The following STK39 variants were observed in gnomAD, a reference collection of about 807,000 sequenced individuals.
The protein encoded by STK39 is STE20/SPS1-related proline-alanine-rich protein kinase.
A neutral mutation model predicts 77.8 loss-of-function variants in STK39; 20 were observed. The observed-to-expected ratio is 0.26, with a 90% CI of 0.18 to 0.37. The LOEUF (loss-of-function observed/expected upper bound fraction) is 0.37. Among genes scored for constraint, STK39 ranks in the 10% least tolerant of loss-of-function variants. The probability of loss-of-function intolerance (pLI) is 1.00; values close to 1 mark genes in which losing one functional copy is unlikely to be tolerated. For missense variants in STK39, 479 were observed against 656.5 expected (o/e 0.73, Z 2.95); for synonymous variants, 246 against 234.1 (o/e 1.05, Z -0.47).
intron 14 of STK39, among the ~76,000 whole-genome samples, chr2:168,022,357 A>C (rs1684591562): frequency 6.6e-6 from 1 of 152,192 alleles, no homozygotes; most frequent in South Asian, 2.1e-4. Flanking sequence ...GCACCCATTT[A>C]TGCTCTTACC....
chr2:168,049,685 G>C (rs1685342544), intron 14 of STK39, among the ~76,000 whole-genome samples: 1 of 152,216 alleles, frequency 6.6e-6, no homozygotes, highest in South Asian at 2.1e-4. Context: ...ACACTGCCTT[G>C]CATATGAGTA....
intron 14 of STK39, among the ~76,000 whole-genome samples, chr2:168,023,082 T>C (rs1281204408): frequency 1.3e-5 from 2 of 152,120 alleles, no homozygotes; most frequent in Non-Finnish European, 2.9e-5. Flanking sequence ...ACCTGGCTAA[T>C]TTTTTAATTT....
At chr2:168,187,308 G>A (rs982914184) in intron 1 of STK39, among the ~76,000 whole-genome samples, 1 of 151,456 alleles carries the variant, frequency 6.6e-6, no homozygotes, top group South Asian at 2.1e-4. Flanking sequence ...CTGAGATCAT[G>A]CCACTGCACT....
chr2:168,152,444 C>CA (rs1688313522), intron 5 of STK39, among the ~76,000 whole-genome samples: 1 of 152,176 alleles, frequency 6.6e-6, no homozygotes, highest in Non-Finnish European at 1.5e-5. Flanking sequence ...CCTTGGAGAA[C>CA]ATCTTGTCAA....
intron 1 of STK39, among the ~76,000 whole-genome samples, chr2:168,237,239 T>C (rs2105273171): frequency 6.6e-6 from 1 of 152,340 alleles, no homozygotes. Context: ...GATTTGGCTC[T>C]CTGTTTGTCT....
intron 17 of STK39, among the ~76,000 whole-genome samples, chr2:167,957,901 T>C (rs1166697053): frequency 6.6e-6 from 1 of 152,204 alleles, no homozygotes; most frequent in Non-Finnish European, 1.5e-5. Flanking sequence ...ACAAAGTTCC[T>C]ACCCACCCTG....
intron 14 of STK39, among the ~76,000 whole-genome samples, chr2:168,043,406 C>A (rs1685158623): frequency 6.6e-6 from 1 of 152,084 alleles, no homozygotes; most frequent in African/African-American, 2.4e-5. Flanking sequence ...ACCCCAGTAA[C>A]AGAATCAATT....
At chr2:168,191,953 G>T (rs1689350947) in intron 1 of STK39, among the ~76,000 whole-genome samples, 1 of 152,028 alleles carries the variant, frequency 6.6e-6, no homozygotes, top group Admixed American at 6.6e-5. Context: ...CATTTAGGAG[G>T]AAACCTACAG....
chr2:168,217,042 C>A (rs181346191), intron 1 of STK39, among the ~76,000 whole-genome samples: 46 of 152,320 alleles, frequency 3.0e-4, no homozygotes, highest in Admixed American at 1.2e-3. Context: ...CTGCTCAGAC[C>A]TGCCAGGGTT....
chr2:168,154,803 T>C (rs1688382307), intron 5 of STK39, among the ~76,000 whole-genome samples: 1 of 152,144 alleles, frequency 6.6e-6, no homozygotes, highest in Non-Finnish European at 1.5e-5. Flanking sequence ...TAAATACCTG[T>C]CAACTAACCA....
chr2:168,196,608 A>G (rs183135820), intron 1 of STK39, among the ~76,000 whole-genome samples: 41 of 152,358 alleles, frequency 2.7e-4, no homozygotes, highest in Non-Finnish European at 7.3e-5. Flanking sequence ...GTGACCTGTG[A>G]TCATGCCACT....
At chr2:168,203,864 G>C (rs1432895834) in intron 1 of STK39, among the ~76,000 whole-genome samples, 1 of 152,238 alleles carries the variant, frequency 6.6e-6, no homozygotes, top group Non-Finnish European at 1.5e-5. Flanking sequence ...GAAGTGCTGG[G>C]ATTACAGGCG....
Position 168,161,809 on chromosome 2 carries a change from C to T in STK39, c.606G>A (p.Glu202=), listed in dbSNP as rs756410231. The stretch of plus-strand genomic sequence containing the variant: ...TACCTGCTATTTGTACTGAACCATC[C>T]TCACCCAGAAGAATATTACCAGCTT... ...DLKAGNILLG[E]DGSVQIADFG... The change falls in exon 5 of 18, where the codon GAG becomes GAA. Residue 202 remains glutamate (E), a synonymous_variant. Transcript: ENST00000355999. The T allele has an allele frequency of 1.2e-6, 2 of 1,609,750 alleles. No individual in the cohort carries two copies. The highest frequency in any genetic ancestry group is 1.1e-5 in the South Asian group (1 of 90,128).
intron 16 of STK39, among the ~76,000 whole-genome samples, chr2:167,976,503 G>A (rs996499906): frequency 6.6e-6 from 1 of 152,126 alleles, no homozygotes; most frequent in South Asian, 2.1e-4. Flanking sequence ...GGGAGAAGAG[G>A]AGCCTGAATT....
intron 4 of STK39, among the ~76,000 whole-genome samples, chr2:168,162,494 G>C (rs1276197841): frequency 6.6e-6 from 1 of 151,954 alleles, no homozygotes; most frequent in Admixed American, 6.6e-5. Context: ...ATTCTACCAA[G>C]TATTAAAGCC....
intron 17 of STK39, among the ~76,000 whole-genome samples, chr2:167,961,733 T>G (rs188193773): frequency 2.6e-5 from 4 of 152,350 alleles, no homozygotes; most frequent in African/African-American, 9.6e-5. Flanking sequence ...ATCTTCCCTG[T>G]GGAATGCTTC....
chr2:167,998,252 A>AACAAAGGTTAG, intron 16 of STK39, among the ~76,000 whole-genome samples: 1 of 152,232 alleles, frequency 6.6e-6, no homozygotes, highest in Non-Finnish European at 1.5e-5. Flanking sequence ...CTAAACAAGA[A>AACAAAGGTTAG]CTTACTTTAC....
intron 1 of STK39, among the ~76,000 whole-genome samples, chr2:168,226,668 T>C (rs1690315741): frequency 6.6e-6 from 1 of 151,968 alleles, no homozygotes; most frequent in Non-Finnish European, 1.5e-5. Context: ...CTTAGATATT[T>C]TAGGTCTGGG....
At chr2:168,029,161 A>G (rs917534367) in intron 14 of STK39, among the ~76,000 whole-genome samples, 1 of 152,236 alleles carries the variant, frequency 6.6e-6, no homozygotes. Flanking sequence ...TAAAAATAAC[A>G]GACATTAATT....
Sources: allele counts gnomAD v4.1 joint callset (sites outside exome capture counted in the v4.1 genomes callset), GRCh38; gene constraint gnomAD v4.1.1; transcripts MANE v1.5; gene names NCBI Gene and HGNC (gene_info 2026-07-23, HGNC 2026-07-21).